The following GRM7 variants were observed in gnomAD, a reference collection of about 807,000 sequenced individuals.
GRM7 encodes metabotropic glutamate receptor 7.
GRM7 carries 35 observed loss-of-function variants against 84.5 expected under a neutral mutation model. The ratio of observed to expected loss-of-function variants is 0.41; its 90% CI spans 0.32 to 0.55. The LOEUF (loss-of-function observed/expected upper bound fraction) is 0.55. Among genes scored for constraint, GRM7 ranks in the 20% least tolerant of loss-of-function variants. GRM7 has a pLI of 0.19. For synonymous variants in GRM7, 487 were observed against 455.1 expected, an observed-to-expected ratio of 1.07 and a Z score of -0.89; for missense variants, 1,003 against 1,194.6, an observed-to-expected ratio of 0.84 and a Z score of 2.36.
At chr3:6,901,429 C>G (rs568143322) in intron 1 of GRM7, among the ~76,000 whole-genome samples, 128 of 151,882 alleles carry the variant, frequency 8.4e-4, no homozygotes, top group African/African-American at 3.0e-3. Context: ...GAAACCCCAT[C>G]TCTACTAAAA....
chr3:7,543,359 A>AG (rs1692988815), intron 7 of GRM7, among the ~76,000 whole-genome samples: 1 of 152,216 alleles, frequency 6.6e-6, no homozygotes, highest in Admixed American at 6.5e-5. Context: ...GATGACAATG[A>AG]GGGGAATATT....
intron 5 of GRM7, among the ~76,000 whole-genome samples, chr3:7,432,691 G>T (rs575293017): frequency 5.9e-4 from 89 of 151,822 alleles, no homozygotes; most frequent in African/African-American, 2.1e-3. Flanking sequence ...TGAAATAGAT[G>T]AATAAATGTG....
intron 5 of GRM7, among the ~76,000 whole-genome samples, chr3:7,421,916 T>TAAAAAAAA (rs773501237): frequency 1.4e-4 from 11 of 78,798 alleles, no homozygotes; most frequent in East Asian, 6.4e-4. Flanking sequence ...CTACAAACAG[T>TAAAAAAAA]AAAAAAAAAA....
intron 8 of GRM7, among the ~76,000 whole-genome samples, chr3:7,602,787 G>C (rs1425079622): frequency 6.6e-6 from 1 of 152,176 alleles, no homozygotes; most frequent in East Asian, 1.9e-4. Context: ...ATTCTTTGAA[G>C]CTTGCAAGTT....
intron 2 of GRM7, among the ~76,000 whole-genome samples, chr3:7,210,012 A>G (rs1696369158): frequency 6.6e-6 from 1 of 152,166 alleles, no homozygotes; most frequent in Non-Finnish European, 1.5e-5. Context: ...ACTCATTACC[A>G]TTCTTGCAGA....
intron 1 of GRM7, among the ~76,000 whole-genome samples, chr3:6,921,100 T>C (rs1697107149): frequency 6.6e-6 from 1 of 152,232 alleles, no homozygotes; most frequent in Non-Finnish European, 1.5e-5. Context: ...GTCTGTTCCT[T>C]CAGCAAATGT....
intron 7 of GRM7, among the ~76,000 whole-genome samples, chr3:7,491,048 G>T (rs914066281): frequency 6.6e-6 from 1 of 151,848 alleles, no homozygotes; most frequent in Non-Finnish European, 1.5e-5. Flanking sequence ...TGTTTTGATG[G>T]TTCAAAATTA....
At chr3:7,520,980 C>A (rs1201715258) in intron 7 of GRM7, among the ~76,000 whole-genome samples, 1 of 152,154 alleles carries the variant, frequency 6.6e-6, no homozygotes, top group African/African-American at 2.4e-5. Flanking sequence ...CCTACTATAC[C>A]TTCCCCAACC....
In GRM7 at chr3:6,863,705, G is replaced by T. The variant is rs1405285052; in HGVS notation, c.519+1798G>T. 1.3e-5 allele frequency among the ~76,000 whole-genome samples: 2 copies of T among 152,158 alleles called. No individual in the cohort carries two copies. The highest frequency in any genetic ancestry group is 2.9e-5 in the Non-Finnish European group (2 of 68,036). On this transcript the variant is annotated intron_variant, in intron 1 of 9. Coordinates refer to ENST00000357716, the MANE Select transcript of GRM7 (RefSeq NM_000844.4). This position sits in a 1 kb window ranked among gnomAD's most constrained non-coding sequence, Gnocchi z 4.8. Reference sequence around the variant, plus strand: ...TAGCAGTGCAGCGGGAGAGGATGAGGTCAGAGACATTACCTGAGAACCACT... The same window carrying T: ...TAGCAGTGCAGCGGGAGAGGATGAGTTCAGAGACATTACCTGAGAACCACT...
At chr3:7,561,560 G>C in intron 7 of GRM7, 1 of 456,574 alleles carries the variant, frequency 2.2e-6, no homozygotes, top group South Asian at 1.5e-5. Flanking sequence ...GGACATCGTA[G>C]TACCCTTAGT....
In GRM7 at chr3:7,579,477, A is replaced by C; in HGVS notation, c.2451+120A>C. 3 of 619,734 alleles carry C rather than the reference A, an allele frequency of 4.8e-6. No homozygotes were observed. In the South Asian group the frequency reaches 6.9e-5, roughly 14 times the overall value. 38.4% of individuals were successfully genotyped at this position (619,734 alleles called of 1,614,324 possible). On this transcript the variant is annotated intron_variant, in intron 8 of 9. Coordinates refer to ENST00000357716, the MANE Select transcript of GRM7 (RefSeq NM_000844.4). Reference sequence around the variant, plus strand: ...GTATATGCAGAATGGTATTTCCAAGAGTAGAGAACTAATTCAAGGTCTAGT... The same window carrying C: ...GTATATGCAGAATGGTATTTCCAAGCGTAGAGAACTAATTCAAGGTCTAGT...
intron 8 of GRM7, among the ~76,000 whole-genome samples, chr3:7,658,310 G>T (rs1057145865): frequency 6.6e-6 from 1 of 152,178 alleles, no homozygotes; most frequent in Non-Finnish European, 1.5e-5. Flanking sequence ...TTTGAGTACA[G>T]AATGTTCTAA....
intron 4 of GRM7, among the ~76,000 whole-genome samples, chr3:7,371,927 C>G (rs1315614910): frequency 1.3e-5 from 2 of 152,004 alleles, no homozygotes; most frequent in Non-Finnish European, 2.9e-5. Flanking sequence ...ACAGGGGACC[C>G]TAAAGATACA....
At chr3:7,080,040 A>G (rs1322334702) in intron 1 of GRM7, among the ~76,000 whole-genome samples, 1 of 152,086 alleles carries the variant, frequency 6.6e-6, no homozygotes, top group Non-Finnish European at 1.5e-5. Context: ...AGTACAGCCA[A>G]CCTTTTAAAA....
chr3:7,368,903 GTTA>G (rs2125114796), intron 4 of GRM7, among the ~76,000 whole-genome samples: 2 of 180 alleles, frequency 0.011, no homozygotes, highest in East Asian at 0.11. Context: ...ATGAGTGATG[GTTA>G]AAATCAGTGT....
chr3:7,504,148 A>T (rs1001867612), intron 7 of GRM7, among the ~76,000 whole-genome samples: 1 of 152,242 alleles, frequency 6.6e-6, no homozygotes, highest in East Asian at 1.9e-4. Flanking sequence ...TTAGAGAAAG[A>T]TAATATCATT....
chr3:7,464,992 T>C (rs1438433520), intron 7 of GRM7, among the ~76,000 whole-genome samples: 1 of 152,054 alleles, frequency 6.6e-6, no homozygotes, highest in Admixed American at 6.5e-5. Flanking sequence ...CGAGACTCTG[T>C]CTCAGAAAAG....
At chr3:7,046,348 G>A (rs1008787229) in intron 1 of GRM7, among the ~76,000 whole-genome samples, 2 of 152,114 alleles carry the variant, frequency 1.3e-5, no homozygotes, top group East Asian at 3.9e-4. Flanking sequence ...CTGAGCTGGA[G>A]CTAGACTTGT....
At chr3:7,030,243 T>G (rs906454230) in intron 1 of GRM7, among the ~76,000 whole-genome samples, 6 of 152,242 alleles carry the variant, frequency 3.9e-5, no homozygotes, top group Non-Finnish European at 8.8e-5. Context: ...AAATGCAGTC[T>G]AATCTGTAGT....
Sources: gnomAD v4.1 joint callset for allele counts (sites outside exome capture counted in the v4.1 genomes callset) on GRCh38, gnomAD v4.1.1 for gene constraint, Gnocchi (gnomAD v3.1) non-coding constraint, MANE v1.5 for transcripts, NCBI Gene and HGNC (gene_info 2026-07-23, HGNC 2026-07-21) for gene names.